TSPEAR: variants seen among roughly 807,000 people sequenced by gnomAD.
The protein encoded by TSPEAR is thrombospondin type laminin G domain and EAR repeats.
A neutral mutation model predicts 71.6 loss-of-function variants in TSPEAR; 69 were observed. The observed-to-expected ratio is 0.96, with a 90% CI of 0.79 to 1.18. The LOEUF is 1.18. TSPEAR is among the 50% of genes most tolerant of loss of function. The pLI, the probability that TSPEAR is intolerant of heterozygous loss-of-function variation, is 0.00. For synonymous variants in TSPEAR, 402 were observed against 387.2 expected, an observed-to-expected ratio of 1.04 and a Z score of -0.45; for missense variants, 971 against 894.9, an observed-to-expected ratio of 1.09 and a Z score of -1.09.
rs59407182 is a variant in TSPEAR, at chr21:44,573,684, C to G, written c.83-5679G>C. ...GAGGAGTATAAAAGCCCCACAAACC[C>G]GAGCACCTCACTCACTCGCTCACCC... On this transcript the variant is annotated intron_variant, in intron 1 of 11. Transcript: ENST00000323084. 14,526 of 1,565,756 alleles carry G rather than the reference C, an allele frequency of 9.3e-3. 795 individuals carry two copies. The African/African-American group carries it at 0.14, about 15-fold the overall frequency.
At chr21:44,559,279 G>C (rs587765790) in intron 2 of TSPEAR, among the ~76,000 whole-genome samples, 1 of 152,350 alleles carries the variant, frequency 6.6e-6, no homozygotes, top group South Asian at 2.1e-4. Flanking sequence ...GACACTGCTG[G>C]TTGTCAGTGG....
intron 1 of TSPEAR, among the ~76,000 whole-genome samples, chr21:44,661,147 G>A (rs1269796803): frequency 6.6e-6 from 1 of 151,468 alleles, no homozygotes; most frequent in East Asian, 1.9e-4. Flanking sequence ...GGTGGCGGGC[G>A]CCTGTAGTCC....
chr21:44,530,009 G>A (rs1289895836), intron 4 of TSPEAR, 55 bp from the exon 5 acceptor site: 1 of 1,477,738 alleles, frequency 6.8e-7, no homozygotes, highest in Non-Finnish European at 8.9e-7. Context: ...AGGACCCGCT[G>A]AGGAGGCGAC....
Position 44,656,462 on chromosome 21 carries a change from A to ATT in TSPEAR, c.82+54969_82+54970dup, listed in dbSNP as rs55880801. Among the ~76,000 whole-genome samples the ATT allele has an allele frequency of 3.6e-3, 554 of 152,014 alleles. 5 individuals carry two copies. Among genetic ancestry groups the ATT allele is most frequent in the African/African-American group, 0.013 (536 of 41,464 alleles). On this transcript the variant is annotated intron_variant, in intron 1 of 11. Transcript: ENST00000323084. ...TAGGTATAGAATTCTGGGTTGGCAAATTTTTTTTGAGCATTTTAAAGAAGT... is the reference window on the plus strand; with the variant it reads ...TAGGTATAGAATTCTGGGTTGGCAAATTTTTTTTTTGAGCATTTTAAAGAAGT...
chr21:44,678,110 G>T (rs587593711), intron 1 of TSPEAR: 298 of 623,316 alleles, frequency 4.8e-4, no homozygotes, highest in Non-Finnish European at 3.0e-4. Context: ...GGTGCTGCTG[G>T]TGGATGCGGG....
chr21:44,637,513 T>C lies in TSPEAR; in HGVS notation c.83-69508A>G, dbSNP rs60621054. 6,328 of 1,613,270 alleles carry C rather than the reference T, an allele frequency of 3.9e-3. 196 individuals carry two copies. The African/African-American group carries it at 0.071, about 18-fold the overall frequency. ...AGAGCTGCTGCGAGCCCTGCTGCTG[T>C]GCCCCAGCCCCCAGCTTGACCCTGG... On this transcript the variant is annotated intron_variant, in intron 1 of 11. Coordinates refer to ENST00000323084, the MANE Select transcript of TSPEAR (RefSeq NM_144991.3).
At chr21:44,653,114 C>T (rs868977130) in intron 1 of TSPEAR, among the ~76,000 whole-genome samples, 19 of 152,178 alleles carry the variant, frequency 1.2e-4, no homozygotes, top group South Asian at 2.1e-4. Context: ...GCTGAGATCA[C>T]GCCGCTGCAC....
rs1985302580 is a variant in TSPEAR at position 44,658,479 on chromosome 21, C to G, written c.82+52954G>C. On this transcript the variant is annotated intron_variant, in intron 1 of 11. Coordinates refer to ENST00000323084, the MANE Select transcript of TSPEAR (RefSeq NM_144991.3). ...GTCTTGGCTGCCAGAGTCCTTCTCTCACTCCAGCAGGAAACTAAAACCCAT... is the reference window on the plus strand; with the variant it reads ...GTCTTGGCTGCCAGAGTCCTTCTCTGACTCCAGCAGGAAACTAAAACCCAT... The G allele has an allele frequency of 6.7e-6, 4 of 595,562 alleles. No homozygotes were observed. The East Asian group carries it at 1.1e-4, about 16-fold the overall frequency. 36.9% of individuals were successfully genotyped at this position (595,562 alleles called of 1,614,324 possible).
chr21:44,685,013 A>C (rs1360025686), intron 1 of TSPEAR, among the ~76,000 whole-genome samples: 1 of 152,178 alleles, frequency 6.6e-6, no homozygotes, highest in Non-Finnish European at 1.5e-5. Flanking sequence ...CTAGGCCTTA[A>C]GGTCACTCTC....
intron 2 of TSPEAR, among the ~76,000 whole-genome samples, chr21:44,564,396 T>G (rs587605678): frequency 6.6e-6 from 1 of 152,294 alleles, no homozygotes; most frequent in Admixed American, 6.5e-5. Context: ...AAGTAGGCAT[T>G]CTTTATATTG....
intron 1 of TSPEAR, among the ~76,000 whole-genome samples, chr21:44,678,368 A>G (rs587711638): frequency 5.9e-4 from 90 of 152,116 alleles, no homozygotes; most frequent in African/African-American, 2.1e-3. Context: ...CTGGTTGTTT[A>G]AAAGTGTGTG....
chr21:44,524,702 TAATC>T (rs1484813436), intron 8 of TSPEAR, among the ~76,000 whole-genome samples: 1 of 151,526 alleles, frequency 6.6e-6, no homozygotes, highest in African/African-American at 2.4e-5. Flanking sequence ...GCTAGTCAGT[TAATC>T]AGGTAGTTAG....
intron 1 of TSPEAR, among the ~76,000 whole-genome samples, chr21:44,631,221 A>C (rs1007890674): frequency 2.0e-5 from 3 of 152,224 alleles, no homozygotes; most frequent in African/African-American, 7.2e-5. Context: ...GAAACTAAGA[A>C]AACAACATCT....
At chr21:44,517,490 A>T (rs1199559669) in intron 9 of TSPEAR, 1 of 293,568 alleles carries the variant, frequency 3.4e-6, no homozygotes, top group Non-Finnish European at 6.7e-6. Flanking sequence ...GCTGGGTCAT[A>T]TGACAAGCAT....
In TSPEAR at chr21:44,612,353, C is replaced by A; in HGVS notation, c.83-44348G>T. On this transcript the variant is annotated intron_variant, in intron 1 of 11. Coordinates refer to ENST00000323084, the MANE Select transcript of TSPEAR (RefSeq NM_144991.3). The surrounding 1 kb of genome is among the most constrained non-coding windows in gnomAD (Gnocchi z 4.1). ...TGCCCCAGTGAGCTGTGAGCCCAGC[C>A]CCTGCCAATCAGGCTGCACCGACTC... 6.2e-7 allele frequency: 1 copy of A among 1,613,902 alleles called. No individual in the cohort carries two copies. The highest frequency in any genetic ancestry group is 8.5e-7 in the Non-Finnish European group (1 of 1,180,020).
At chr21:44,502,708 G>A (rs1381661897) in intron 11 of TSPEAR, among the ~76,000 whole-genome samples, 9 of 152,274 alleles carry the variant, frequency 5.9e-5, no homozygotes, top group Non-Finnish European at 8.8e-5. Flanking sequence ...GGTGCAGCCA[G>A]CGCCGGGCCA....
At chr21:44,585,410 G>A (rs781958315) in intron 1 of TSPEAR, among the ~76,000 whole-genome samples, 2 of 152,004 alleles carry the variant, frequency 1.3e-5, no homozygotes, top group South Asian at 2.1e-4. Context: ...TCATCCCCTC[G>A]GTCCCATCTT....
intron 1 of TSPEAR, chr21:44,574,429 G>C (rs782016135): frequency 1.2e-6 from 2 of 1,602,226 alleles, no homozygotes; most frequent in African/African-American, 1.4e-5. Flanking sequence ...TCCTCCTCCT[G>C]CCAGCAGGCC....
chr21:44,579,185 G>A (rs781914287), intron 1 of TSPEAR, among the ~76,000 whole-genome samples: 2 of 152,132 alleles, frequency 1.3e-5, no homozygotes, highest in Non-Finnish European at 2.9e-5. Flanking sequence ...GTGGGACAGT[G>A]GGTGGGACAG....
Sources: allele counts gnomAD v4.1 joint callset (sites outside exome capture counted in the v4.1 genomes callset), GRCh38; gene constraint gnomAD v4.1.1; non-coding constraint Gnocchi (gnomAD v3.1); transcripts MANE v1.5; gene names NCBI Gene and HGNC (gene_info 2026-07-23, HGNC 2026-07-21).